Variants in TCF23 observed in about 807,000 individuals in gnomAD.
The protein encoded by TCF23 is transcription factor 23.
Under a neutral mutation model 13.0 loss-of-function variants are expected in TCF23, and 7 were observed. That is an observed-to-expected ratio of 0.54 (90% CI 0.31 to 1.01). The LOEUF (loss-of-function observed/expected upper bound fraction) is 1.01. Among genes scored for constraint, TCF23 ranks in the 50% least tolerant of loss-of-function variants. The pLI is 0.06. For missense variants in TCF23, 257 were observed against 289.8 expected, an observed-to-expected ratio of 0.89 and a Z score of 0.82; for synonymous variants, 122 against 119.5, an observed-to-expected ratio of 1.02 and a Z score of -0.14.
intron 2 of TCF23, among the ~76,000 whole-genome samples, chr2:27,152,341 T>C (rs1231824207): frequency 6.6e-6 from 1 of 152,252 alleles, no homozygotes; most frequent in African/African-American, 2.4e-5. Flanking sequence ...AGGACCCAGC[T>C]TGGAGTTTTT....
rs141315442 is a variant in TCF23, at chr2:27,153,100, A to G, written c.*233A>G. 6.1e-6 allele frequency: 6 copies of G among 986,558 alleles called. No homozygotes were observed. The African/African-American group carries it at 6.6e-5, about 11-fold the overall frequency. The allele number at this position is 986,558 out of a possible 1,614,324, so 61.1% of individuals were successfully genotyped here. ...GGGACTTCCCCATGGCTCTTCTGTG[A>G]CAGCTACTGGGAAGTGGGAGAGAAA... On this transcript the variant is annotated 3_prime_UTR_variant, in exon 3 of 3. Transcript: ENST00000296096.
chr2:27,149,011 C>G lies in TCF23; in HGVS notation c.-123C>G. 3.1e-6 allele frequency: 3 copies of G among 979,144 alleles called. No homozygotes were observed. The highest frequency in any genetic ancestry group is 4.5e-6 in the Non-Finnish European group (3 of 666,258). The allele number at this position is 979,144 out of a possible 1,614,324, so 60.7% of individuals were successfully genotyped here. Reference sequence around the variant, plus strand: ...CAGGGAGCAAACAGGACTGAGTTGGCGCCAGCTTCCTCGGATGTAGATATT... The same window carrying G: ...CAGGGAGCAAACAGGACTGAGTTGGGGCCAGCTTCCTCGGATGTAGATATT... On this transcript the variant is annotated 5_prime_UTR_variant, in exon 1 of 3. Coordinates refer to ENST00000296096, the MANE Select transcript of TCF23 (RefSeq NM_175769.3).
In TCF23 at chr2:27,150,019, A is replaced by C; in HGVS notation, c.223-104A>C. 2 of 1,516,950 alleles carry C rather than the reference A, an allele frequency of 1.3e-6. No homozygotes were observed. The highest frequency in any genetic ancestry group is 1.8e-6 in the Non-Finnish European group (2 of 1,132,830). 94.0% of individuals were successfully genotyped at this position (1,516,950 alleles called of 1,614,324 possible). A position where few individuals can be genotyped will look rare whatever the true frequency, so the allele number is the denominator to read the frequency against. ...CAGAGGCCCTCTGGTGCCTACTGCT[A>C]GACACCCTTCTACTCTGGTGGGAGA... On this transcript the variant is annotated intron_variant, in intron 1 of 2. Transcript: ENST00000296096. The surrounding 1 kb of genome is among the most constrained non-coding windows in gnomAD (Gnocchi z 4.1).
chr2:27,149,285 G>A lies in TCF23; in HGVS notation c.152G>A (p.Ser51Asn), dbSNP rs1335587496. 1 of 1,597,438 alleles carries A rather than the reference G, an allele frequency of 6.3e-7. No individual in the cohort carries two copies. Among genetic ancestry groups the A allele is most frequent in the Non-Finnish European group, 8.5e-7 (1 of 1,172,242 alleles). Residue 51 changes from serine to asparagine, a missense_variant, in exon 1 of 3, where the codon AGC (serine) becomes AAC (asparagine). Physicochemically the swap from Ser to Asn is conservative, Grantham distance 46 (BLOSUM62 1). Coordinates refer to ENST00000296096, the MANE Select transcript of TCF23 (RefSeq NM_175769.3). ...RQDPWEERSWSNQRWSRATPG... is the reference protein window; with the variant it reads ...RQDPWEERSWNNQRWSRATPG... ...GACCCGTGGGAAGAAAGAAGCTGGA[G>A]CAACCAGAGATGGAGCAGAGCTACC...
At chr2:27,152,589 G>A in intron 2 of TCF23, 99 bp from the exon 3 acceptor site, 1 of 1,408,606 alleles carries the variant, frequency 7.1e-7, no homozygotes, top group Non-Finnish European at 9.7e-7. Flanking sequence ...AGGTGTCAGG[G>A]AGGGATGCTG....
chr2:27,152,500 A>G (rs1672775264), intron 2 of TCF23, among the ~76,000 whole-genome samples, 188 bp from the exon 3 acceptor site: 1 of 152,154 alleles, frequency 6.6e-6, no homozygotes, highest in South Asian at 2.1e-4. Context: ...TGTGTCTCTC[A>G]TCCAGGCTCT....
chr2:27,156,764 T>C lies in TCF23; in HGVS notation c.*3897T>C, dbSNP rs947441435. ...ACTAGAGAAGTAGAGGATCTAGCCT[T>C]CTCTGAGACTCCTTTTCTCTTCCTC... On this transcript the variant is annotated 3_prime_UTR_variant, in exon 3 of 3. Coordinates refer to ENST00000296096, the MANE Select transcript of TCF23 (RefSeq NM_175769.3). The C allele has an allele frequency of 3.9e-5, 6 of 152,208 alleles. No homozygotes were observed. Among genetic ancestry groups the C allele is most frequent in the Admixed American group, 6.5e-5 (1 of 15,276 alleles). The allele number at this position is 152,208 out of a possible 1,614,324, so 9.4% of individuals were successfully genotyped here. A position where few individuals can be genotyped will look rare whatever the true frequency, so the allele number is the denominator to read the frequency against.
intron 2 of TCF23, among the ~76,000 whole-genome samples, chr2:27,151,236 G>A (rs911353278): frequency 2.0e-5 from 3 of 152,194 alleles, no homozygotes; most frequent in Non-Finnish European, 4.4e-5. Flanking sequence ...TAAGGAGCTG[G>A]TTGAAGAGTG....
In TCF23 at chr2:27,155,491, GC is replaced by G. The variant is rs1293525422; in HGVS notation, c.*2625del. 1 of 152,286 alleles carries G rather than the reference GC, an allele frequency of 6.6e-6. No individual in the cohort carries two copies. The highest frequency in any genetic ancestry group is 2.4e-5 in the African/African-American group (1 of 41,448). The allele number at this position is 152,286 out of a possible 1,614,324, so 9.4% of individuals were successfully genotyped here. ...TCAGTGGCTCATGCCTGTAATCCCA[GC>G]ACTTTGGGGAGTCGAGGCGGGCGGA... On this transcript the variant is annotated 3_prime_UTR_variant, in exon 3 of 3. Transcript: ENST00000296096.
chr2:27,149,883 CTG>C lies in TCF23; in HGVS notation c.223-239_223-238del, dbSNP rs931100377. ...GGAGTAGTAGAGAGAACACAGGACT[CTG>C]GGTTCTGAGCCAAGCTCTGCCATCC... On this transcript the variant is annotated intron_variant, in intron 1 of 2. Transcript: ENST00000296096. 7 of 673,230 alleles carry C rather than the reference CTG, an allele frequency of 1.0e-5. No homozygotes were observed. In the African/African-American group the frequency reaches 1.3e-4, roughly 12 times the overall value. The allele number at this position is 673,230 out of a possible 1,614,324, so 41.7% of individuals were successfully genotyped here. A position where few individuals can be genotyped will look rare whatever the true frequency, so the allele number is the denominator to read the frequency against.
intron 1 of TCF23, chr2:27,149,920 C>T: frequency 1.3e-6 from 1 of 793,806 alleles, no homozygotes; most frequent in Non-Finnish European, 2.0e-6. Context: ...CTGCAGCCAT[C>T]TGACCCCTGG....
chr2:27,149,582 G>A (rs774066896), intron 1 of TCF23: 6 of 653,104 alleles, frequency 9.2e-6, no homozygotes, highest in Non-Finnish European at 1.7e-5. Flanking sequence ...CACTTCTCTT[G>A]AGGAAACTGA....
Position 27,149,051 on chromosome 2 carries a change from C to A in TCF23, c.-83C>A. On this transcript the variant is annotated 5_prime_UTR_variant, in exon 1 of 3. Coordinates refer to ENST00000296096, the MANE Select transcript of TCF23 (RefSeq NM_175769.3). ...ATGTAGATATTGCTGGCTGGATGACCAGCCACAGCCAGCTAGCTTGAGTCC... is the reference window on the plus strand; with the variant it reads ...ATGTAGATATTGCTGGCTGGATGACAAGCCACAGCCAGCTAGCTTGAGTCC... The A allele has an allele frequency of 2.3e-6, 3 of 1,322,702 alleles. No individual in the cohort carries two copies. Among genetic ancestry groups the A allele is most frequent in the Non-Finnish European group, 3.1e-6 (3 of 965,276 alleles). The allele number at this position is 1,322,702 out of a possible 1,614,324, so 81.9% of individuals were successfully genotyped here. A position where few individuals can be genotyped will look rare whatever the true frequency, so the allele number is the denominator to read the frequency against.
chr2:27,149,937 C>T, intron 1 of TCF23, 186 bp from the exon 2 acceptor site: 1 of 977,982 alleles, frequency 1.0e-6, no homozygotes, highest in Non-Finnish European at 1.5e-6. Context: ...CTGGCCAGGC[C>T]TTCCCCCAAC....
At chr2:27,152,125 T>C (rs1040004844) in intron 2 of TCF23, among the ~76,000 whole-genome samples, 6 of 152,192 alleles carry the variant, frequency 3.9e-5, no homozygotes, top group African/African-American at 1.4e-4. Context: ...TAGTAGGTGA[T>C]CAACAGCTAT....
rs1672842991 is a variant in TCF23 at position 27,156,782 on chromosome 2, T to C, written c.*3915T>C. On this transcript the variant is annotated 3_prime_UTR_variant, in exon 3 of 3. Coordinates refer to ENST00000296096, the MANE Select transcript of TCF23 (RefSeq NM_175769.3). ...CTAGCCTTCTCTGAGACTCCTTTTC[T>C]CTTCCTCTGGGAGGAGCCTGGCTAG... 1 of 152,250 alleles carries C rather than the reference T, an allele frequency of 6.6e-6. No homozygotes were observed. Among genetic ancestry groups the C allele is most frequent in the South Asian group, 2.1e-4 (1 of 4,834 alleles). 9.4% of individuals were successfully genotyped at this position (152,250 alleles called of 1,614,324 possible). A position where few individuals can be genotyped will look rare whatever the true frequency, so the allele number is the denominator to read the frequency against.
Position 27,150,046 on chromosome 2 carries a change from C to G in TCF23, c.223-77C>G, listed in dbSNP as rs1483470488. 6.5e-7 allele frequency: 1 copy of G among 1,545,308 alleles called. No individual in the cohort carries two copies. Among genetic ancestry groups the G allele is most frequent in the Non-Finnish European group, 8.7e-7 (1 of 1,148,566 alleles). On this transcript the variant is annotated intron_variant, in intron 1 of 2. Transcript: ENST00000296096. This position sits in a 1 kb window ranked among gnomAD's most constrained non-coding sequence, Gnocchi z 4.1. ...ACACCCTTCTACTCTGGTGGGAGAC[C>G]TTGTGCTCAAACGCTCTCAGAAGTC...
At chr2:27,149,471 G>A (rs749246296) in intron 1 of TCF23, 116 bp downstream of exon 1, 5 of 1,027,496 alleles carry the variant, frequency 4.9e-6, no homozygotes, top group Non-Finnish European at 7.1e-6. Flanking sequence ...CCCAAGAGAG[G>A]GGACACTGGC....
At chr2:27,149,732 G>A (rs1672730670) in intron 1 of TCF23, 1 of 595,570 alleles carries the variant, frequency 1.7e-6, no homozygotes, top group Admixed American at 2.2e-5. Context: ...TCAGGACCTG[G>A]CTAGGTCAAG....
Sources: allele counts gnomAD v4.1 joint callset (sites outside exome capture counted in the v4.1 genomes callset), GRCh38; gene constraint gnomAD v4.1.1; non-coding constraint Gnocchi (gnomAD v3.1); transcripts MANE v1.5; gene names NCBI Gene and HGNC (gene_info 2026-07-23, HGNC 2026-07-21).